KCNJ16: variants seen among roughly 807,000 people sequenced by gnomAD.
KCNJ16 encodes potassium inwardly rectifying channel subfamily J member 16.
KCNJ16 carries 15 observed loss-of-function variants against 18.5 expected under a neutral mutation model. The observed-to-expected ratio is 0.81, with a 90% CI of 0.54 to 1.25. The LOEUF is 1.25. KCNJ16 is among the 50% of genes most tolerant of loss of function. KCNJ16 has a pLI of 0.00. For synonymous variants in KCNJ16, 174 were observed against 186.5 expected, an observed-to-expected ratio of 0.93 and a Z score of 0.55; for missense variants, 523 against 525.7, an observed-to-expected ratio of 0.99 and a Z score of 0.05.
chr17:70,098,751 T>C (rs576890015), intron 1 of KCNJ16, among the ~76,000 whole-genome samples: 132 of 152,316 alleles, frequency 8.7e-4, no homozygotes, highest in Non-Finnish European at 1.6e-3. Flanking sequence ...CCACTCATAG[T>C]AGCTTTGAAG....
At chr17:70,098,695 AAAT>A (rs2072494658) in intron 1 of KCNJ16, among the ~76,000 whole-genome samples, 1 of 152,094 alleles carries the variant, frequency 6.6e-6, no homozygotes, top group Non-Finnish European at 1.5e-5. Flanking sequence ...TTTCTGACTC[AAAT>A]ATTAGAAGCT....
intron 1 of KCNJ16, among the ~76,000 whole-genome samples, chr17:70,094,454 G>C (rs1298517877): frequency 5.9e-5 from 9 of 152,138 alleles, no homozygotes; most frequent in Admixed American, 3.3e-4. Flanking sequence ...GTTGCAATTA[G>C]AAATTTGAGA....
intron 1 of KCNJ16, among the ~76,000 whole-genome samples, chr17:70,080,281 G>A (rs903392221): frequency 3.9e-5 from 6 of 152,122 alleles, no homozygotes; most frequent in Non-Finnish European, 8.8e-5. Context: ...AGATCTCTGA[G>A]AAACCATGTG....
chr17:70,108,617 T>G (rs1367519681), intron 2 of KCNJ16, among the ~76,000 whole-genome samples: 3 of 152,156 alleles, frequency 2.0e-5, no homozygotes, highest in East Asian at 3.9e-4. Context: ...TATAGTGACC[T>G]CTATTAAACA....
chr17:70,111,471 T>C (rs2073181738), intron 2 of KCNJ16, among the ~76,000 whole-genome samples: 1 of 152,102 alleles, frequency 6.6e-6, no homozygotes, highest in African/African-American at 2.4e-5. Context: ...CCACGCTGAA[T>C]ACTTGGTTGC....
At chr17:70,127,774 G>A (rs769584966) in intron 2 of KCNJ16, among the ~76,000 whole-genome samples, 1 of 152,086 alleles carries the variant, frequency 6.6e-6, no homozygotes, top group Non-Finnish European at 1.5e-5. Flanking sequence ...TAGTTGTCAG[G>A]AAAGCAACTT....
intron 2 of KCNJ16, among the ~76,000 whole-genome samples, chr17:70,107,998 TA>T (rs1185444069): frequency 6.6e-6 from 1 of 152,188 alleles, no homozygotes; most frequent in Admixed American, 6.5e-5. Flanking sequence ...GTACTAACAA[TA>T]AAAACATTCT....
At chr17:70,100,320 A>G (rs1236742470) in intron 1 of KCNJ16, among the ~76,000 whole-genome samples, 2 of 152,188 alleles carry the variant, frequency 1.3e-5, no homozygotes, top group Non-Finnish European at 2.9e-5. Context: ...TAGTTTGATT[A>G]TTATACGGAC....
chr17:70,085,030 C>T (rs757911407), intron 1 of KCNJ16, among the ~76,000 whole-genome samples: 2 of 152,260 alleles, frequency 1.3e-5, no homozygotes, highest in Admixed American at 6.5e-5. Context: ...TTGTGTATTT[C>T]AAAGACTCCA....
chr17:70,113,446 T>C (rs1334003553), intron 2 of KCNJ16, among the ~76,000 whole-genome samples: 6 of 152,328 alleles, frequency 3.9e-5, no homozygotes, highest in South Asian at 2.1e-4. Context: ...ACTTCAGATA[T>C]AGTTGAATGT....
intron 1 of KCNJ16, among the ~76,000 whole-genome samples, chr17:70,089,104 G>C (rs2071970756): frequency 6.6e-6 from 1 of 152,106 alleles, no homozygotes; most frequent in Non-Finnish European, 1.5e-5. Context: ...ATGTAACACA[G>C]GAATACAAAC....
At chr17:70,117,286 C>T (rs2073447523) in intron 2 of KCNJ16, among the ~76,000 whole-genome samples, 1 of 152,132 alleles carries the variant, frequency 6.6e-6, no homozygotes, top group African/African-American at 2.4e-5. Flanking sequence ...CAACAACAGA[C>T]ACCGAGGACT....
intron 2 of KCNJ16, among the ~76,000 whole-genome samples, chr17:70,115,571 A>C (rs1385380170): frequency 1.3e-5 from 2 of 152,202 alleles, no homozygotes; most frequent in Admixed American, 6.5e-5. Flanking sequence ...TTGTTACACA[A>C]GCCAAGAAAT....
chr17:70,077,653 C>A lies in KCNJ16; in HGVS notation c.-300+2263C>A, dbSNP rs76759822. ...AGAATTAGAAGTCTTTCTCCAAATGCCTCTTTCCTGGTTAGGCTGTGTTTT... is the reference window on the plus strand; with the variant it reads ...AGAATTAGAAGTCTTTCTCCAAATGACTCTTTCCTGGTTAGGCTGTGTTTT... On this transcript the variant is annotated intron_variant, in intron 1 of 3. Coordinates refer to ENST00000392671, the MANE Select transcript of KCNJ16 (RefSeq NM_170741.4). Among the ~76,000 whole-genome samples the A allele has an allele frequency of 1.6e-3, 236 of 146,460 alleles. 2 individuals carry two copies. The East Asian group carries it at 0.024, about 15-fold the overall frequency.
chr17:70,098,084 C>T (rs1047178333), intron 1 of KCNJ16, among the ~76,000 whole-genome samples: 2 of 152,182 alleles, frequency 1.3e-5, no homozygotes, highest in African/African-American at 4.8e-5. Context: ...ACCACTCCAG[C>T]TCTACCTCAT....
intron 2 of KCNJ16, among the ~76,000 whole-genome samples, chr17:70,126,925 C>A (rs2073875670): frequency 6.6e-6 from 1 of 152,098 alleles, no homozygotes; most frequent in Non-Finnish European, 1.5e-5. Flanking sequence ...GTAGATACTA[C>A]TTAAGGAAAA....
rs1489764099 is a variant in KCNJ16 at position 70,134,757 on chromosome 17, A to G, written c.*1413A>G. 1 of 167,002 alleles carries G rather than the reference A, an allele frequency of 6.0e-6. No homozygotes were observed. The highest frequency in any genetic ancestry group is 1.5e-5 in the Non-Finnish European group (1 of 68,112). The allele number at this position is 167,002 out of a possible 1,614,324, so 10.3% of individuals were successfully genotyped here. ...TTATTTGTTTATGTTATTTAAATAC[A>G]CACCCAGACACACACACACACAGTT... On this transcript the variant is annotated 3_prime_UTR_variant, in exon 4 of 4. Transcript: ENST00000392671.
chr17:70,107,708 T>C (rs546913240), intron 2 of KCNJ16, among the ~76,000 whole-genome samples: 2 of 152,158 alleles, frequency 1.3e-5, no homozygotes, highest in Non-Finnish European at 2.9e-5. Context: ...ATTAGAAGAC[T>C]CAAGTCTTTT....
chr17:70,110,968 G>A (rs1048863266), intron 2 of KCNJ16, among the ~76,000 whole-genome samples: 1 of 152,066 alleles, frequency 6.6e-6, no homozygotes, highest in African/African-American at 2.4e-5. Flanking sequence ...TGTATATCAA[G>A]GGCTGATATT....
Sources: allele counts gnomAD v4.1 joint callset (sites outside exome capture counted in the v4.1 genomes callset), GRCh38; gene constraint gnomAD v4.1.1; transcripts MANE v1.5; gene names NCBI Gene and HGNC (gene_info 2026-07-23, HGNC 2026-07-21).